The following OSBP2 variants were observed in gnomAD, a reference collection of about 807,000 sequenced individuals.
OSBP2 encodes oxysterol-binding protein 2.
OSBP2 carries 66 observed loss-of-function variants against 96.0 expected under a neutral mutation model. That is an observed-to-expected ratio of 0.69 (90% CI 0.56 to 0.84). OSBP2 has a LOEUF of 0.84. OSBP2 is among the 40% of genes least tolerant of loss of function. The pLI, the probability that OSBP2 is intolerant of heterozygous loss-of-function variation, is 0.00. For missense variants in OSBP2, 1,038 were observed against 1,222.7 expected (o/e 0.85, Z 2.25); for synonymous variants, 525 against 520.9 (o/e 1.01, Z -0.11).
chr22:30,694,389 C>T, upstream of OSBP2: 1 of 1,487,570 alleles, frequency 6.7e-7, no homozygotes, highest in Non-Finnish European at 8.9e-7. Flanking sequence ...TAGCCTTTAG[C>T]GCCCCTGTGC....
At chr22:30,879,147 G>A (rs567070105) in intron 3 of OSBP2, among the ~76,000 whole-genome samples, 1 of 152,332 alleles carries the variant, frequency 6.6e-6, no homozygotes, top group South Asian at 2.1e-4. Flanking sequence ...ATCACGTGGG[G>A]CTCCTTAGGC....
At chr22:30,755,363 C>T (rs566835684) in intron 2 of OSBP2, among the ~76,000 whole-genome samples, 2 of 152,328 alleles carry the variant, frequency 1.3e-5, no homozygotes, top group Admixed American at 1.3e-4. Context: ...GAGACCAGAG[C>T]TCACCACAGG....
chr22:30,763,977 C>T (rs2145777371), intron 2 of OSBP2, among the ~76,000 whole-genome samples: 1 of 152,320 alleles, frequency 6.6e-6, no homozygotes, highest in East Asian at 1.9e-4. Flanking sequence ...TTTTCTGTAA[C>T]TCAGTGTCTA....
At chr22:30,845,270 A>G (rs1458426811) in intron 2 of OSBP2, among the ~76,000 whole-genome samples, 1 of 152,124 alleles carries the variant, frequency 6.6e-6, no homozygotes, top group Non-Finnish European at 1.5e-5. Context: ...TCTCTACCAT[A>G]TATACAAAAA....
intron 2 of OSBP2, among the ~76,000 whole-genome samples, chr22:30,743,520 G>T (rs2089965722): frequency 6.6e-6 from 1 of 152,072 alleles, no homozygotes; most frequent in Admixed American, 6.6e-5. Context: ...GGCTGTGTTG[G>T]GACCCCCAGA....
intron 2 of OSBP2, among the ~76,000 whole-genome samples, chr22:30,865,823 C>T (rs2039325909): frequency 6.6e-6 from 1 of 152,060 alleles, no homozygotes; most frequent in African/African-American, 2.4e-5. Context: ...AGCACACTTA[C>T]CCAAGGCCAT....
chr22:30,694,345 G>A (rs1215361603), upstream of OSBP2: 2 of 1,537,362 alleles, frequency 1.3e-6, no homozygotes, highest in Non-Finnish European at 1.7e-6. Context: ...CCACAGACAG[G>A]TAATGGCTGC....
At chr22:30,705,387 G>A (rs543163750) in intron 1 of OSBP2, among the ~76,000 whole-genome samples, 5 of 152,092 alleles carry the variant, frequency 3.3e-5, no homozygotes, top group Non-Finnish European at 5.9e-5. Flanking sequence ...TCCGCCTCCC[G>A]GGTTTAAGCA....
rs187047447 is a variant in OSBP2 at position 30,819,633 on chromosome 22, G to T, written c.854-50796G>T. ...CATGAGCAGAATCTGATAGTTTTTT[G>T]ATTGTGACTTATAGTGTAAAATGAT... On this transcript the variant is annotated intron_variant, in intron 2 of 13. Coordinates refer to ENST00000332585, the MANE Select transcript of OSBP2 (RefSeq NM_030758.4). Among the ~76,000 whole-genome samples, 886 of 152,306 alleles carry T rather than the reference G, an allele frequency of 5.8e-3. 7 individuals are homozygous for T. Among genetic ancestry groups the T allele is most frequent in the African/African-American group, 0.02 (821 of 41,554 alleles).
At chr22:30,738,534 A>C (rs868856398) in intron 1 of OSBP2, among the ~76,000 whole-genome samples, 1 of 151,982 alleles carries the variant, frequency 6.6e-6, no homozygotes, top group African/African-American at 2.4e-5. Flanking sequence ...GGAAAAGACA[A>C]TCGCTGTTCA....
intron 12 of OSBP2, among the ~76,000 whole-genome samples, chr22:30,897,885 G>A (rs2040100512): frequency 6.6e-6 from 1 of 151,780 alleles, no homozygotes; most frequent in Non-Finnish European, 1.5e-5. Flanking sequence ...GGAAGGCAGA[G>A]GTGGCAGTGA....
At chr22:30,850,165 G>A (rs926199287) in intron 2 of OSBP2, among the ~76,000 whole-genome samples, 11 of 151,990 alleles carry the variant, frequency 7.2e-5, no homozygotes, top group African/African-American at 1.9e-4. Flanking sequence ...AATTAGCCGG[G>A]CATGGTGCTG....
chr22:30,746,600 C>T (rs2145748443), intron 2 of OSBP2, among the ~76,000 whole-genome samples: 1 of 149,634 alleles, frequency 6.7e-6, no homozygotes, highest in South Asian at 2.1e-4. Context: ...AGCGATTCTC[C>T]TGCCTCAGCC....
chr22:30,715,299 G>T (rs1308268818), intron 1 of OSBP2, among the ~76,000 whole-genome samples: 1 of 151,288 alleles, frequency 6.6e-6, no homozygotes, highest in African/African-American at 2.4e-5. Context: ...CCTAATGGAT[G>T]TGAGATGGTA....
intron 1 of OSBP2, among the ~76,000 whole-genome samples, chr22:30,730,808 A>ATATATATATATATT (rs1491303061): frequency 8.9e-4 from 35 of 39,324 alleles, no homozygotes; most frequent in Admixed American, 1.5e-3. Context: ...ATATATATAT[A>ATATATATATATATT]ATTTTTTTTT....
upstream of OSBP2, chr22:30,694,469 C>A (rs907173815): frequency 1.3e-4 from 160 of 1,222,594 alleles, no homozygotes; most frequent in Non-Finnish European, 1.6e-4. Flanking sequence ...TGGCGGAGAG[C>A]GAACCCACCC....
At chr22:30,733,685 A>T (rs2089813004) in intron 1 of OSBP2, among the ~76,000 whole-genome samples, 2 of 152,198 alleles carry the variant, frequency 1.3e-5, no homozygotes, top group African/African-American at 4.8e-5. Context: ...CAACTATGTA[A>T]GTCGCTAACC....
intron 3 of OSBP2, among the ~76,000 whole-genome samples, chr22:30,875,547 T>A (rs9609139): frequency 0.24 from 36,696 of 152,024 alleles, 5,198 homozygotes; most frequent in East Asian, 0.48. Context: ...TAATTTTGTA[T>A]TTTCAATAGA....
intron 2 of OSBP2, among the ~76,000 whole-genome samples, chr22:30,835,710 T>C (rs955065837): frequency 6.6e-6 from 1 of 151,104 alleles, no homozygotes; most frequent in Non-Finnish European, 1.5e-5. Context: ...ATACGAAATA[T>C]GTAGTTACTT....
Sources: allele counts gnomAD v4.1 joint callset (sites outside exome capture counted in the v4.1 genomes callset), GRCh38; gene constraint gnomAD v4.1.1; transcripts MANE v1.5; gene names NCBI Gene and HGNC (gene_info 2026-07-23, HGNC 2026-07-21).